Variants in ZNF385D observed in about 807,000 individuals in gnomAD.
ZNF385D encodes the protein zinc finger protein 385D, also known as zinc finger protein 659.
Under a neutral mutation model 35.8 loss-of-function variants are expected in ZNF385D, and 15 were observed. The ratio of observed to expected loss-of-function variants is 0.42; its 90% CI spans 0.28 to 0.64. ZNF385D has a LOEUF of 0.64. Among genes scored for constraint, ZNF385D ranks in the 30% least tolerant of loss-of-function variants. The pLI is 0.23. For missense variants in ZNF385D, 474 were observed against 494.6 expected (o/e 0.96, Z 0.39); for synonymous variants, 212 against 186.8 (o/e 1.13, Z -1.10).
At chr3:21,614,251 C>G (rs968705073) in intron 2 of ZNF385D, among the ~76,000 whole-genome samples, 2 of 152,138 alleles carry the variant, frequency 1.3e-5, no homozygotes, top group Non-Finnish European at 2.9e-5. Flanking sequence ...GTTTCTCTGT[C>G]CTCACATGGC....
rs1699692437 is a variant in ZNF385D at position 22,244,905 on chromosome 3, C to T, written c.107-75870G>A. On this transcript the variant is annotated intron_variant, in intron 2 of 5. Transcript: ENST00000494108. ...AGAACATCACTGCGTCTCCTCAGGTCTCAATGCCAGCTGTGATTTCTACAA... is the reference window on the plus strand; with the variant it reads ...AGAACATCACTGCGTCTCCTCAGGTTTCAATGCCAGCTGTGATTTCTACAA... 1.4e-5 allele frequency among the ~76,000 whole-genome samples: 2 copies of T among 142,352 alleles called. 1 individual carries two copies. Among genetic ancestry groups the T allele is most frequent in the African/African-American group, 5.5e-5 (2 of 36,508 alleles). 93.4% of individuals were successfully genotyped at this position (142,352 alleles called of 152,430 possible). A position where few individuals can be genotyped will look rare whatever the true frequency, so the allele number is the denominator to read the frequency against.
At chr3:22,089,812 AC>A (rs1701230976) in intron 3 of ZNF385D, among the ~76,000 whole-genome samples, 1 of 152,028 alleles carries the variant, frequency 6.6e-6, no homozygotes, top group African/African-American at 2.4e-5. Context: ...CATGACTTCA[AC>A]CCCATATTTT....
chr3:22,301,744 T>C (rs1702913374), intron 2 of ZNF385D, among the ~76,000 whole-genome samples: 1 of 152,058 alleles, frequency 6.6e-6, no homozygotes, highest in Admixed American at 6.6e-5. Flanking sequence ...ATTATGAATT[T>C]GTGGTTTATC....
intron 2 of ZNF385D, among the ~76,000 whole-genome samples, chr3:22,280,330 G>T (rs1221531792): frequency 6.7e-6 from 1 of 148,566 alleles, no homozygotes; most frequent in Non-Finnish European, 1.5e-5. Context: ...TGGGTTCTTG[G>T]TCACAAAGTC....
At chr3:22,164,260 C>T (rs1706166839) in intron 3 of ZNF385D, among the ~76,000 whole-genome samples, 1 of 90,646 alleles carries the variant, frequency 1.1e-5, no homozygotes, top group Non-Finnish European at 2.1e-5. Flanking sequence ...GACGGGGTCT[C>T]ACTCTGTTGC....
chr3:22,077,517 T>G (rs1227806035), intron 3 of ZNF385D, among the ~76,000 whole-genome samples: 1 of 151,986 alleles, frequency 6.6e-6, no homozygotes, highest in African/African-American at 2.4e-5. Context: ...ATTCCAGAAA[T>G]TGGTCTTCTT....
chr3:22,087,911 T>G (rs372327189), intron 3 of ZNF385D, among the ~76,000 whole-genome samples: 1 of 152,298 alleles, frequency 6.6e-6, no homozygotes, highest in East Asian at 1.9e-4. Flanking sequence ...TTCTTTCTCA[T>G]GTTTCCTTTT....
chr3:22,304,287 T>C (rs917051673), intron 2 of ZNF385D, among the ~76,000 whole-genome samples: 10 of 152,212 alleles, frequency 6.6e-5, no homozygotes, highest in Non-Finnish European at 1.5e-4. Context: ...CACTTTATGA[T>C]TTAATAGATA....
At chr3:22,118,515 A>G (rs955800636) in intron 3 of ZNF385D, among the ~76,000 whole-genome samples, 1 of 152,096 alleles carries the variant, frequency 6.6e-6, no homozygotes, top group Non-Finnish European at 1.5e-5. Flanking sequence ...TGTTGCCTAG[A>G]TAAGACATTT....
At chr3:21,776,735 G>A (rs2071304172) in intron 3 of ZNF385D, among the ~76,000 whole-genome samples, 1 of 151,876 alleles carries the variant, frequency 6.6e-6, no homozygotes, top group East Asian at 1.9e-4. Context: ...GTTGAACAAA[G>A]AATATATACA....
At chr3:22,342,091 C>G (rs187891022) in intron 2 of ZNF385D, among the ~76,000 whole-genome samples, 2 of 151,898 alleles carry the variant, frequency 1.3e-5, no homozygotes, top group East Asian at 3.9e-4. Flanking sequence ...CTGGCTAACA[C>G]GGTGAAACCC....
At chr3:21,806,981 C>T (rs77437243) in intron 3 of ZNF385D, among the ~76,000 whole-genome samples, 2,363 of 152,282 alleles carry the variant, frequency 0.016, 54 homozygotes, top group African/African-American at 0.052. Context: ...AAGTGAATGC[C>T]AACTTCCCTC....
At chr3:21,500,548 T>C (rs1706285792) in intron 4 of ZNF385D, among the ~76,000 whole-genome samples, 1 of 152,224 alleles carries the variant, frequency 6.6e-6, no homozygotes, top group Non-Finnish European at 1.5e-5. Flanking sequence ...CAGGCACATA[T>C]GCATTGGCAC....
At chr3:21,824,489 A>C (rs2673541) in intron 3 of ZNF385D, among the ~76,000 whole-genome samples, 77,499 of 152,028 alleles carry the variant, frequency 0.51, 19,860 homozygotes, top group East Asian at 0.59. Flanking sequence ...ATGCATATGT[A>C]CATACATTTA....
At chr3:21,751,950 T>C (rs577537130), upstream of ZNF385D, among the ~76,000 whole-genome samples, 91 of 151,340 alleles carry the variant, frequency 6.0e-4, no homozygotes, top group Middle Eastern at 6.8e-3. Flanking sequence ...GCAACCAACA[T>C]TGTGCCATAG....
intron 4 of ZNF385D, chr3:21,443,344 A>G: frequency 1.0e-6 from 1 of 985,374 alleles, no homozygotes; most frequent in Non-Finnish European, 1.2e-6. Context: ...TGGAGTTGCT[A>G]GGCGAAACTT....
intron 1 of ZNF385D, among the ~76,000 whole-genome samples, chr3:21,750,221 C>G (rs1436027293): frequency 6.6e-6 from 1 of 152,214 alleles, no homozygotes; most frequent in Non-Finnish European, 1.5e-5. Context: ...CGGATCCAAG[C>G]CTCAACATGC....
At chr3:22,117,371 G>A (rs912600774) in intron 3 of ZNF385D, among the ~76,000 whole-genome samples, 2 of 151,914 alleles carry the variant, frequency 1.3e-5, no homozygotes, top group African/African-American at 2.4e-5. Flanking sequence ...AACCTGTTTC[G>A]TATGAGTGTT....
At chr3:22,137,794 A>G (rs55921901) in intron 3 of ZNF385D, among the ~76,000 whole-genome samples, 26,031 of 151,992 alleles carry the variant, frequency 0.17, 2,875 homozygotes, top group Non-Finnish European at 0.25. Flanking sequence ...ACTCCTATTC[A>G]ATATAGTGTT....
Sources: gnomAD v4.1 joint callset for allele counts (sites outside exome capture counted in the v4.1 genomes callset) on GRCh38, gnomAD v4.1.1 for gene constraint, MANE v1.5 for transcripts, NCBI Gene and HGNC (gene_info 2026-07-23, HGNC 2026-07-21) for gene names.